The following MARCHF1 variants were observed in gnomAD, a reference collection of about 807,000 sequenced individuals.
MARCHF1 encodes E3 ubiquitin-protein ligase MARCHF1.
MARCHF1 carries 40 observed loss-of-function variants against 54.2 expected under a neutral mutation model. That is an observed-to-expected ratio of 0.74 (90% CI 0.57 to 0.96). The LOEUF is 0.96. Among genes scored for constraint, MARCHF1 ranks in the 40% least tolerant of loss-of-function variants. The pLI, the probability that MARCHF1 is intolerant of heterozygous loss-of-function variation, is 0.00. For synonymous variants in MARCHF1, 236 were observed against 236.3 expected (o/e 1.00, Z 0.01); for missense variants, 586 against 656.5 (o/e 0.89, Z 1.17).
intron 4 of MARCHF1, among the ~76,000 whole-genome samples, chr4:163,823,370 C>A (rs1748753361): frequency 6.6e-6 from 1 of 151,768 alleles, no homozygotes; most frequent in South Asian, 2.1e-4. Flanking sequence ...TAAATCTAAT[C>A]TAATAAACTC....
intron 4 of MARCHF1, among the ~76,000 whole-genome samples, chr4:163,812,690 G>A (rs1017676426): frequency 2.0e-5 from 3 of 152,064 alleles, no homozygotes; most frequent in Non-Finnish European, 4.4e-5. Context: ...CCTGGGAGGC[G>A]GGAGTTGCAG....
In MARCHF1 at chr4:164,079,886, T is replaced by C. The variant is rs551694222; in HGVS notation, c.-248+31702A>G. ...TTATTACAGAAAGAATGAATAATGT[T>C]ATGAACAAAATACATTAATATCAGT... On this transcript the variant is annotated intron_variant, in intron 2 of 9. Coordinates refer to ENST00000514618, the MANE Select transcript of MARCHF1 (RefSeq NM_001394959.1). 5.3e-5 allele frequency among the ~76,000 whole-genome samples: 8 copies of C among 152,290 alleles called. No homozygotes were observed. In the East Asian group the frequency reaches 1.5e-3, roughly 29 times the overall value.
chr4:163,583,564 T>A (rs1740302616), intron 8 of MARCHF1: 1 of 151,806 alleles, frequency 6.6e-6, no homozygotes, highest in East Asian at 1.9e-4. Flanking sequence ...TAGAAGAAAC[T>A]AGGATATTCA....
chr4:163,887,510 G>A (rs902754622), intron 3 of MARCHF1, among the ~76,000 whole-genome samples: 2 of 152,232 alleles, frequency 1.3e-5, no homozygotes, highest in South Asian at 2.1e-4. Context: ...TGTTAGAGAC[G>A]TAGACTTTCA....
At chr4:163,545,506 G>A in intron 9 of MARCHF1, 90 bp downstream of exon 9, 2 of 1,262,694 alleles carry the variant, frequency 1.6e-6, no homozygotes, top group Non-Finnish European at 2.2e-6. Context: ...CATACATGAT[G>A]AAGGCCTAAC....
chr4:163,854,283 T>A (rs992929186), intron 3 of MARCHF1, 114 bp from the exon 4 acceptor site: 106 of 779,374 alleles, frequency 1.4e-4, no homozygotes, highest in East Asian at 2.3e-4. Context: ...GAGACTTTTT[T>A]AAAAAAACCA....
At chr4:164,046,708 T>C (rs941439344) in intron 2 of MARCHF1, among the ~76,000 whole-genome samples, 1 of 152,144 alleles carries the variant, frequency 6.6e-6, no homozygotes, top group African/African-American at 2.4e-5. Flanking sequence ...AGAACATTAT[T>C]TTTAGGACAT....
At chr4:163,782,485 A>T (rs1747493367) in intron 4 of MARCHF1, among the ~76,000 whole-genome samples, 1 of 152,074 alleles carries the variant, frequency 6.6e-6, no homozygotes, top group African/African-American at 2.4e-5. Flanking sequence ...GGCCTGGCCA[A>T]TATAGTGAAA....
chr4:164,070,938 G>A (rs768857679), intron 2 of MARCHF1, among the ~76,000 whole-genome samples: 5 of 152,150 alleles, frequency 3.3e-5, no homozygotes, highest in Non-Finnish European at 5.9e-5. Context: ...AGTCTTATGA[G>A]ATCTGACGGG....
chr4:164,050,275 C>CAAAAAAAAAAAAA lies in MARCHF1; in HGVS notation c.-248+61300_-248+61312dup, dbSNP rs34642436. ...GGGCGACGGAGCGAGACACTGTCTC[C>CAAAAAAAAAAAAA]AAAAAAAAAAAAAAAAAAAAAAAAA... On this transcript the variant is annotated intron_variant, in intron 2 of 9. Coordinates refer to ENST00000514618, the MANE Select transcript of MARCHF1 (RefSeq NM_001394959.1). Among the ~76,000 whole-genome samples the CAAAAAAAAAAAAA allele has an allele frequency of 9.5e-4, 38 of 40,202 alleles. 5 individuals are homozygous for CAAAAAAAAAAAAA. The East Asian group carries it at 0.012, about 12-fold the overall frequency. The allele number at this position is 40,202 out of a possible 152,430, so 26.4% of individuals were successfully genotyped here. A position where few individuals can be genotyped will look rare whatever the true frequency, so the allele number is the denominator to read the frequency against.
At chr4:164,131,176 C>T (rs1373395940) in intron 1 of MARCHF1, among the ~76,000 whole-genome samples, 1 of 152,062 alleles carries the variant, frequency 6.6e-6, no homozygotes, top group Non-Finnish European at 1.5e-5. Context: ...ACTTGAGGTG[C>T]TAAGGTAGTT....
intron 1 of MARCHF1, among the ~76,000 whole-genome samples, chr4:164,162,818 T>A (rs533180664): frequency 2.6e-4 from 40 of 152,084 alleles, no homozygotes; most frequent in Middle Eastern, 6.8e-3. Context: ...GAAAACAGTA[T>A]TTAGCGAAAT....
At chr4:164,359,104 T>C (rs1730649359) in intron 1 of MARCHF1, among the ~76,000 whole-genome samples, 1 of 152,160 alleles carries the variant, frequency 6.6e-6, no homozygotes, top group African/African-American at 2.4e-5. Context: ...GTGCGATAGA[T>C]ATATGTAATA....
chr4:164,132,457 G>A (rs536254985), intron 1 of MARCHF1, among the ~76,000 whole-genome samples: 4 of 152,148 alleles, frequency 2.6e-5, no homozygotes, highest in Middle Eastern at 3.4e-3. Context: ...TACATTAGAG[G>A]TGATTTTCTT....
At chr4:164,286,388 A>AT (rs1252016577) in intron 1 of MARCHF1, among the ~76,000 whole-genome samples, 1 of 152,160 alleles carries the variant, frequency 6.6e-6, no homozygotes, top group Non-Finnish European at 1.5e-5. Flanking sequence ...CTATAAATCT[A>AT]TTTTTAAACT....
chr4:163,578,333 A>T (rs1740105871), intron 8 of MARCHF1, among the ~76,000 whole-genome samples: 1 of 152,122 alleles, frequency 6.6e-6, no homozygotes, highest in South Asian at 2.1e-4. Flanking sequence ...TTTTCCCAGC[A>T]ATCATTTTCA....
intron 3 of MARCHF1, among the ~76,000 whole-genome samples, chr4:163,954,381 T>G (rs1237258078): frequency 1.3e-5 from 2 of 152,142 alleles, no homozygotes; most frequent in African/African-American, 2.4e-5. Context: ...GCAAATTTCA[T>G]TTACTCATTA....
At chr4:163,797,592 GTAC>G (rs1561082781) in intron 4 of MARCHF1, among the ~76,000 whole-genome samples, 2 of 151,754 alleles carry the variant, frequency 1.3e-5, no homozygotes. Flanking sequence ...ATTTTGCTCT[GTAC>G]TACATTTCAG....
At chr4:163,878,074 A>G (rs1750332476) in intron 3 of MARCHF1, among the ~76,000 whole-genome samples, 1 of 152,192 alleles carries the variant, frequency 6.6e-6, no homozygotes, top group South Asian at 2.1e-4. Flanking sequence ...CCACTTTGTC[A>G]GGAAACAAGA....
Sources: allele counts gnomAD v4.1 joint callset (sites outside exome capture counted in the v4.1 genomes callset), GRCh38; gene constraint gnomAD v4.1.1; transcripts MANE v1.5; gene names NCBI Gene and HGNC (gene_info 2026-07-23, HGNC 2026-07-21).